Variants in APBA1 observed in about 807,000 individuals in gnomAD.
APBA1 encodes amyloid-beta A4 precursor protein-binding family A member 1.
APBA1 carries 55 observed loss-of-function variants against 86.6 expected under a neutral mutation model. The ratio of observed to expected loss-of-function variants is 0.64; its 90% CI spans 0.51 to 0.80. APBA1 has a LOEUF of 0.80. Ranked by LOEUF, APBA1 falls within the 30% of genes least tolerant of loss-of-function variation. The pLI is 0.00. For synonymous variants in APBA1, 511 were observed against 493.9 expected, an observed-to-expected ratio of 1.03 and a Z score of -0.46; for missense variants, 1,090 against 1,183.0, an observed-to-expected ratio of 0.92 and a Z score of 1.15.
intron 1 of APBA1, among the ~76,000 whole-genome samples, chr9:69,603,336 G>A (rs568410075): frequency 4.6e-5 from 7 of 152,280 alleles, no homozygotes; most frequent in African/African-American, 1.4e-4. Context: ...ATGCAATTTC[G>A]CTTTGAATTT....
At chr9:69,457,596 A>G (rs1835119781) in intron 6 of APBA1, among the ~76,000 whole-genome samples, 1 of 152,172 alleles carries the variant, frequency 6.6e-6, no homozygotes. Flanking sequence ...AGTTCTGGTA[A>G]GAGGGTCTTT....
At chr9:69,614,348 G>A (rs1477243086) in intron 1 of APBA1, among the ~76,000 whole-genome samples, 1 of 152,152 alleles carries the variant, frequency 6.6e-6, no homozygotes, top group Non-Finnish European at 1.5e-5. Context: ...GATATTAAAT[G>A]ATTAAGCTCT....
At chr9:69,630,607 T>C (rs1339084639) in intron 1 of APBA1, among the ~76,000 whole-genome samples, 6 of 152,082 alleles carry the variant, frequency 3.9e-5, no homozygotes, top group East Asian at 3.9e-4. Flanking sequence ...AGGTCACCAA[T>C]GATCTCCACA....
intron 2 of APBA1, among the ~76,000 whole-genome samples, chr9:69,511,553 C>T (rs1836041025): frequency 6.6e-6 from 1 of 151,716 alleles, no homozygotes; most frequent in South Asian, 2.1e-4. Flanking sequence ...TACCATTTGA[C>T]CCAGCCATCC....
intron 2 of APBA1, among the ~76,000 whole-genome samples, chr9:69,489,523 C>T (rs1251774808): frequency 6.6e-6 from 1 of 150,460 alleles, no homozygotes; most frequent in Non-Finnish European, 1.5e-5. Flanking sequence ...CCATAAAAAC[C>T]CTAGAAGAAG....
intron 1 of APBA1, among the ~76,000 whole-genome samples, chr9:69,597,137 T>C (rs1029940931): frequency 2.0e-5 from 3 of 152,238 alleles, no homozygotes; most frequent in Non-Finnish European, 4.4e-5. Context: ...CTTTATCAAC[T>C]GAGAAATCTA....
intron 2 of APBA1, among the ~76,000 whole-genome samples, chr9:69,486,361 G>A (rs1835609849): frequency 6.6e-6 from 1 of 152,102 alleles, no homozygotes; most frequent in African/African-American, 2.4e-5. Context: ...TTGAAGGGAA[G>A]AGAAGCACCA....
chr9:69,615,977 T>C (rs957682293), intron 1 of APBA1, among the ~76,000 whole-genome samples: 2 of 152,212 alleles, frequency 1.3e-5, no homozygotes, highest in African/African-American at 4.8e-5. Flanking sequence ...AGCTTTTCCC[T>C]AGATGTCAGA....
intron 1 of APBA1, among the ~76,000 whole-genome samples, chr9:69,669,410 T>C (rs11139701): frequency 0.15 from 22,485 of 151,926 alleles, 1,798 homozygotes; most frequent in African/African-American, 0.18. Flanking sequence ...GGCTCAATAA[T>C]GGAAGAGAAA....
rs1258957380 is a variant in APBA1, at chr9:69,458,137, G to A, written c.1515+19C>T. On this transcript the variant is annotated intron_variant, in intron 6 of 12. Transcript: ENST00000265381. Reference sequence around the variant, plus strand: ...AGAACAGGCATAACACCAAGCTGATGAAGTTGTTTGTACTGCACCTTCTTC... The same window carrying A: ...AGAACAGGCATAACACCAAGCTGATAAAGTTGTTTGTACTGCACCTTCTTC... 5 of 1,602,096 alleles carry A rather than the reference G, an allele frequency of 3.1e-6. No homozygotes were observed. The highest frequency in any genetic ancestry group is 4.2e-6 in the Non-Finnish European group (5 of 1,176,502).
At chr9:69,515,087 T>C (rs748990544) in intron 2 of APBA1, among the ~76,000 whole-genome samples, 3 of 152,198 alleles carry the variant, frequency 2.0e-5, no homozygotes, top group Non-Finnish European at 4.4e-5. Flanking sequence ...AGTGACAACG[T>C]TGAACTTTAC....
chr9:69,450,246 T>C (rs1480349215), intron 9 of APBA1, among the ~76,000 whole-genome samples: 3 of 151,876 alleles, frequency 2.0e-5, no homozygotes, highest in African/African-American at 7.3e-5. Context: ...TAAAAATAAA[T>C]AAACACACAG....
chr9:69,559,380 C>G (rs1370186475), intron 1 of APBA1, among the ~76,000 whole-genome samples: 1 of 152,194 alleles, frequency 6.6e-6, no homozygotes, highest in Non-Finnish European at 1.5e-5. Context: ...CCATCACACT[C>G]TCATGCCCCT....
chr9:69,489,296 A>G lies in APBA1; in HGVS notation c.1201-13153T>C, dbSNP rs1835663531. Among the ~76,000 whole-genome samples the G allele has an allele frequency of 7.9e-5, 12 of 152,216 alleles. No individual in the cohort carries two copies. The South Asian group carries it at 2.5e-3, about 32-fold the overall frequency. ...CAAAACAGAGATATAGACCAATGGAACAGAACAGAGCCCTCAGAAATAATA... is the reference window on the plus strand; with the variant it reads ...CAAAACAGAGATATAGACCAATGGAGCAGAACAGAGCCCTCAGAAATAATA... On this transcript the variant is annotated intron_variant, in intron 2 of 12. Transcript: ENST00000265381.
chr9:69,622,767 C>G (rs1007247552), intron 1 of APBA1, among the ~76,000 whole-genome samples: 5 of 152,092 alleles, frequency 3.3e-5, no homozygotes, highest in African/African-American at 1.2e-4. Flanking sequence ...TTATTCAGAG[C>G]CTGTGAACTA....
rs1235206987 is a variant in APBA1, at chr9:69,473,891, C to A, written c.1296+2157G>T. On this transcript the variant is annotated intron_variant, in intron 3 of 12. Coordinates refer to ENST00000265381, the MANE Select transcript of APBA1 (RefSeq NM_001163.4). Reference sequence around the variant, plus strand: ...GAAATGAAAGAATCTCTAATTATTACACACAAATAGGATTTTCATCATCAT... The same window carrying A: ...GAAATGAAAGAATCTCTAATTATTAAACACAAATAGGATTTTCATCATCAT... 3.9e-5 allele frequency among the ~76,000 whole-genome samples: 6 copies of A among 152,048 alleles called. No homozygotes were observed. In the East Asian group the frequency reaches 1.2e-3, roughly 29 times the overall value.
Position 69,431,329 on chromosome 9 carries a change from A to G in APBA1, c.2512T>C (p.Ter838ArgextTer73). 6.2e-7 allele frequency: 1 copy of G among 1,604,066 alleles called. No individual in the cohort carries two copies. The highest frequency in any genetic ancestry group is 8.5e-7 in the Non-Finnish European group (1 of 1,176,120). Residue 838 changes from the stop codon to arginine, a stop_lost, in exon 13 of 13, where the codon TGA becomes CGA. Coordinates refer to ENST00000265381, the MANE Select transcript of APBA1 (RefSeq NM_001163.4). Reference protein sequence around the residue: ...LTAQEQPVYI* With the variant: ...LTAQEQPVYIR ...CATGCCACCGCGTGTGGCCGCGGTC[A>G]GATGTAAACAGGCTGCTCCTGGGCC...
intron 1 of APBA1, among the ~76,000 whole-genome samples, chr9:69,622,367 T>C (rs1173089066): frequency 6.6e-6 from 1 of 152,196 alleles, no homozygotes; most frequent in African/African-American, 2.4e-5. Flanking sequence ...TGATTAAATA[T>C]GAGCATGTCT....
intron 1 of APBA1, among the ~76,000 whole-genome samples, chr9:69,519,696 A>G (rs1166806588): frequency 6.6e-6 from 1 of 152,232 alleles, no homozygotes; most frequent in Non-Finnish European, 1.5e-5. Context: ...AAGTACCTGA[A>G]TGACCAACAA....
Sources: gnomAD v4.1 joint callset for allele counts (sites outside exome capture counted in the v4.1 genomes callset) on GRCh38, gnomAD v4.1.1 for gene constraint, MANE v1.5 for transcripts, NCBI Gene and HGNC (gene_info 2026-07-23, HGNC 2026-07-21) for gene names.